The following JADE2 variants were observed in gnomAD, a reference collection of about 807,000 sequenced individuals.
JADE2 encodes E3 ubiquitin-protein ligase Jade-2.
A neutral mutation model predicts 85.7 loss-of-function variants in JADE2; 13 were observed. The ratio of observed to expected loss-of-function variants is 0.15; its 90% CI spans 0.10 to 0.24. JADE2 has a LOEUF of 0.24. JADE2 is among the 10% of genes least tolerant of loss of function. The pLI, the probability that JADE2 is intolerant of heterozygous loss-of-function variation, is 1.00. For synonymous variants in JADE2, 440 were observed against 456.1 expected (o/e 0.96, Z 0.45); for missense variants, 846 against 1,115.9 (o/e 0.76, Z 3.45).
chr5:134,562,132 C>G lies in JADE2; in HGVS notation c.685-68C>G. 1 of 1,487,616 alleles carries G rather than the reference C, an allele frequency of 6.7e-7. No individual in the cohort carries two copies. Among genetic ancestry groups the G allele is most frequent in the Non-Finnish European group, 9.1e-7 (1 of 1,097,906 alleles). The allele number at this position is 1,487,616 out of a possible 1,614,324, so 92.2% of individuals were successfully genotyped here. A position where few individuals can be genotyped will look rare whatever the true frequency, so the allele number is the denominator to read the frequency against. On this transcript the variant is annotated intron_variant, in intron 6 of 11. Transcript: ENST00000681547. The surrounding 1 kb of genome is among the most constrained non-coding windows in gnomAD (Gnocchi z 4.6). ...CATGGGGCTGGCACTGGACCAAATG[C>G]AGCTGACTGCTGACCAGACACAGAT...
rs371360384 is a variant in JADE2 at position 134,535,932 on chromosome 5, T to C, written c.58+17T>C. On this transcript the variant is annotated intron_variant, in intron 2 of 11. Coordinates refer to ENST00000681547, the MANE Select transcript of JADE2 (RefSeq NM_001388185.1). ...CCACTGACAGTAAGGCCTTCCAGTT[T>C]GGGCTCCTACAGGGAAAGCATTTGA... The C allele has an allele frequency of 7.5e-5, 121 of 1,611,338 alleles. No homozygotes were observed. Among genetic ancestry groups the C allele is most frequent in the Non-Finnish European group, 9.5e-5 (112 of 1,177,618 alleles).
chr5:134,578,360 T>G lies in JADE2; in HGVS notation c.1682-134T>G. 1 of 695,062 alleles carries G rather than the reference T, an allele frequency of 1.4e-6. No homozygotes were observed. The highest frequency in any genetic ancestry group is 2.5e-6 in the Non-Finnish European group (1 of 399,602). 43.1% of individuals were successfully genotyped at this position (695,062 alleles called of 1,614,324 possible). A position where few individuals can be genotyped will look rare whatever the true frequency, so the allele number is the denominator to read the frequency against. ...GGCAGGAGGGATGGACAAAACAAGATAGCTCACCTGGGTCTGGCACAGGGG... is the reference window on the plus strand; with the variant it reads ...GGCAGGAGGGATGGACAAAACAAGAGAGCTCACCTGGGTCTGGCACAGGGG... On this transcript the variant is annotated intron_variant, in intron 11 of 11. Coordinates refer to ENST00000681547, the MANE Select transcript of JADE2 (RefSeq NM_001388185.1). The surrounding 1 kb of genome is among the most constrained non-coding windows in gnomAD (Gnocchi z 4.4).
At chr5:134,577,584 A>T (rs1172673185) in intron 11 of JADE2, among the ~76,000 whole-genome samples, 2 of 152,110 alleles carry the variant, frequency 1.3e-5, no homozygotes, top group Admixed American at 6.5e-5. Context: ...CTAGCTGCTC[A>T]GGAGGCTGAG....
intron 3 of JADE2, among the ~76,000 whole-genome samples, chr5:134,551,477 C>T (rs564411273): frequency 2.0e-5 from 3 of 152,060 alleles, no homozygotes; most frequent in Non-Finnish European, 2.9e-5. Flanking sequence ...AGTCCTCCCT[C>T]CTCAGCCTCC....
At chr5:134,567,601 T>TAGCCCTGG (rs1581468790) in intron 9 of JADE2, among the ~76,000 whole-genome samples, 1 of 152,140 alleles carries the variant, frequency 6.6e-6, no homozygotes, top group East Asian at 1.9e-4. Context: ...GGCAGGAGCA[T>TAGCCCTGG]GCAGGGAACG....
In JADE2 at chr5:134,525,823, G is replaced by C. The variant is rs1364396190; in HGVS notation, c.-189G>C. On this transcript the variant is annotated 5_prime_UTR_variant, in exon 1 of 12. Transcript: ENST00000681547. ...TCCTGCGGGCCGACCGTCCCCGGCG[G>C]GGGGCGTGGGGCCTGGGACGCCGCG... The C allele has an allele frequency of 1.3e-5, 13 of 1,011,926 alleles. No individual in the cohort carries two copies. The highest frequency in any genetic ancestry group is 2.2e-4 in the East Asian group (2 of 9,064). 62.7% of individuals were successfully genotyped at this position (1,011,926 alleles called of 1,614,324 possible).
intron 9 of JADE2, among the ~76,000 whole-genome samples, chr5:134,570,997 C>T (rs762385213): frequency 1.3e-5 from 2 of 152,216 alleles, no homozygotes; most frequent in African/African-American, 4.8e-5. Context: ...GAGATTTATC[C>T]TCATGGTTTT....
intron 4 of JADE2, 133 bp downstream of exon 4, chr5:134,552,342 C>A (rs771931155): frequency 3.5e-6 from 3 of 845,632 alleles, no homozygotes; most frequent in Non-Finnish European, 5.4e-6. Flanking sequence ...ATTCCCTTTT[C>A]CAACAAACCA....
intron 3 of JADE2, among the ~76,000 whole-genome samples, chr5:134,539,230 T>G (rs1425959607): frequency 6.6e-6 from 1 of 151,746 alleles, no homozygotes; most frequent in Non-Finnish European, 1.5e-5. Flanking sequence ...CCCGGCTAAT[T>G]TTTTGTATTT....
chr5:134,526,835 C>A (rs2149839372), intron 1 of JADE2: 1 of 867,122 alleles, frequency 1.2e-6, no homozygotes, highest in Non-Finnish European at 1.4e-6. Flanking sequence ...TCCGGGGCCG[C>A]GCGGTAGTCC....
chr5:134,559,917 G>C lies in JADE2; in HGVS notation c.399G>C (p.Gly133=). 6.2e-7 allele frequency: 1 copy of C among 1,614,056 alleles called. No individual in the cohort carries two copies. Among genetic ancestry groups the C allele is most frequent in the South Asian group, 1.1e-5 (1 of 91,054 alleles). The change falls in exon 5 of 12, where the codon GGG becomes GGC. Residue 133 remains glycine, a synonymous_variant. Transcript: ENST00000681547. The part of the protein sequence containing the change: ...LGEGSQPDWP[G]GSRYDLDEID... ...AGGGCTCCCAGCCTGATTGGCCAGG[G>C]GGCAGCCGCTATGACTTGGACGAGA...
At chr5:134,531,165 A>G (rs1279578081) in intron 1 of JADE2, among the ~76,000 whole-genome samples, 1 of 152,248 alleles carries the variant, frequency 6.6e-6, no homozygotes, top group Non-Finnish European at 1.5e-5. Context: ...CATAGACCAC[A>G]TAGAAGAATA....
chr5:134,536,818 G>A (rs978296490), intron 2 of JADE2: 1 of 152,224 alleles, frequency 6.6e-6, no homozygotes, highest in African/African-American at 2.4e-5. Context: ...TGCAACTCTA[G>A]ACCTGTTTCT....
At chr5:134,533,966 G>A (rs773671918) in intron 1 of JADE2, among the ~76,000 whole-genome samples, 2 of 151,894 alleles carry the variant, frequency 1.3e-5, no homozygotes, top group Non-Finnish European at 1.5e-5. Flanking sequence ...GGCTGGTCTC[G>A]ATCTCTTGGG....
intron 4 of JADE2, among the ~76,000 whole-genome samples, chr5:134,553,902 G>A (rs1762756187): frequency 6.6e-6 from 1 of 152,220 alleles, no homozygotes; most frequent in South Asian, 2.1e-4. Context: ...CAGCTACGGA[G>A]TTCAGCCAAG....
chr5:134,569,452 G>A (rs563611718), intron 9 of JADE2, among the ~76,000 whole-genome samples: 3 of 152,324 alleles, frequency 2.0e-5, no homozygotes, highest in South Asian at 2.1e-4. Flanking sequence ...CGGCCCCAGC[G>A]GACGCTCGGA....
chr5:134,560,839 A>G lies in JADE2; in HGVS notation c.566A>G (p.Gln189Arg), dbSNP rs1432992081. 2 of 1,614,198 alleles carry G rather than the reference A, an allele frequency of 1.2e-6. No homozygotes were observed. Among genetic ancestry groups the G allele is most frequent in the Non-Finnish European group, 1.7e-6 (2 of 1,180,024 alleles). The change falls in exon 6 of 12, where the codon CAG (glutamine) becomes CGG (arginine). Residue 189 changes from glutamine to arginine, a missense_variant. Transcript: ENST00000681547. ...AATATGGCCAGGGCCATTGAGACGC[A>G]GGAGGGGCTGGGCATCGAGTACGAC... is the stretch of plus-strand genomic sequence containing the variant. ...HQNMARAIET[Q>R]EGLGIEYDED...
Position 134,561,017 on chromosome 5 carries a change from G to A in JADE2, c.684+60G>A, listed in dbSNP as rs533715193. 1.4e-5 allele frequency: 21 copies of A among 1,481,790 alleles called. No individual in the cohort carries two copies. The South Asian group carries it at 1.6e-4, about 11-fold the overall frequency. The allele number at this position is 1,481,790 out of a possible 1,614,324, so 91.8% of individuals were successfully genotyped here. Reference sequence around the variant, plus strand: ...ATGTATACACACGCTGCCTGGCAGCGACCCCCACTTGGCTCTCCAGGGGCA... The same window carrying A: ...ATGTATACACACGCTGCCTGGCAGCAACCCCCACTTGGCTCTCCAGGGGCA... On this transcript the variant is annotated intron_variant, in intron 6 of 11. Coordinates refer to ENST00000681547, the MANE Select transcript of JADE2 (RefSeq NM_001388185.1).
chr5:134,577,881 G>A (rs2150029441), intron 11 of JADE2, among the ~76,000 whole-genome samples: 1 of 152,000 alleles, frequency 6.6e-6, no homozygotes, highest in East Asian at 1.9e-4. Context: ...GATACTGCTT[G>A]CTACCCCTAT....
Sources: gnomAD v4.1 joint callset for allele counts (sites outside exome capture counted in the v4.1 genomes callset) on GRCh38, gnomAD v4.1.1 for gene constraint, Gnocchi (gnomAD v3.1) non-coding constraint, MANE v1.5 for transcripts, NCBI Gene and HGNC (gene_info 2026-07-23, HGNC 2026-07-21) for gene names.